Variants in CATSPERB observed in about 807,000 individuals in gnomAD.
The protein encoded by CATSPERB is cation channel sperm-associated auxiliary subunit beta.
A neutral mutation model predicts 128.3 loss-of-function variants in CATSPERB; 93 were observed. The ratio of observed to expected loss-of-function variants is 0.72; its 90% CI spans 0.61 to 0.86. The LOEUF (loss-of-function observed/expected upper bound fraction) is 0.86. Ranked by LOEUF, CATSPERB falls within the 40% of genes least tolerant of loss-of-function variation. The pLI is 0.00. For missense variants in CATSPERB, 1,153 were observed against 1,329.5 expected (o/e 0.87, Z 2.06); for synonymous variants, 381 against 448.8 (o/e 0.85, Z 1.91).
intron 10 of CATSPERB, among the ~76,000 whole-genome samples, chr14:91,688,143 G>A (rs11844262): frequency 0.03 from 4,628 of 152,006 alleles, 258 homozygotes; most frequent in African/African-American, 0.11. Context: ...GTTCTTTCTT[G>A]AGTATTTTCC....
At chr14:91,702,858 CT>C (rs1041407806) in intron 7 of CATSPERB, among the ~76,000 whole-genome samples, 1 of 151,836 alleles carries the variant, frequency 6.6e-6, no homozygotes, top group African/African-American at 2.4e-5. Flanking sequence ...TTATTTTGGT[CT>C]TTTTTTATGA....
At chr14:91,582,272 T>A (rs1893218624) in intron 26 of CATSPERB, among the ~76,000 whole-genome samples, 1 of 152,236 alleles carries the variant, frequency 6.6e-6, no homozygotes, top group Non-Finnish European at 1.5e-5. Context: ...TTGACAGGAA[T>A]GTTGACAGGA....
chr14:91,671,198 T>G (rs1013644142), intron 13 of CATSPERB, among the ~76,000 whole-genome samples: 1 of 152,158 alleles, frequency 6.6e-6, no homozygotes, highest in African/African-American at 2.4e-5. Flanking sequence ...CTGTCCCAAA[T>G]CCCTTCTCCA....
chr14:91,672,257 TTTTA>T (rs1895109651), intron 13 of CATSPERB, among the ~76,000 whole-genome samples: 1 of 152,038 alleles, frequency 6.6e-6, no homozygotes, highest in Non-Finnish European at 1.5e-5. Context: ...GAACTTATGG[TTTTA>T]TTTGTTTGTT....
intron 15 of CATSPERB, among the ~76,000 whole-genome samples, chr14:91,650,890 G>C (rs1595164629): frequency 6.6e-6 from 1 of 151,670 alleles, no homozygotes; most frequent in Admixed American, 6.6e-5. Context: ...TTACATCTGG[G>C]TATGTTTCTA....
intron 22 of CATSPERB, among the ~76,000 whole-genome samples, chr14:91,607,774 C>T (rs563441763): frequency 1.6e-3 from 239 of 152,222 alleles, no homozygotes; most frequent in African/African-American, 5.7e-3. Flanking sequence ...ATTCCACAGG[C>T]GTCCATGTGG....
At chr14:91,621,310 G>C (rs1469420781) in intron 19 of CATSPERB, among the ~76,000 whole-genome samples, 1 of 152,222 alleles carries the variant, frequency 6.6e-6, no homozygotes, top group Non-Finnish European at 1.5e-5. Flanking sequence ...TGAGGCAGGA[G>C]AATCGCTTGA....
chr14:91,613,943 C>G (rs777023113), intron 20 of CATSPERB, among the ~76,000 whole-genome samples: 2 of 152,228 alleles, frequency 1.3e-5, no homozygotes, highest in Non-Finnish European at 2.9e-5. Context: ...AACACCCCCT[C>G]ATGGTCCTTC....
At chr14:91,603,461 C>T (rs1389379285) in intron 22 of CATSPERB, 1 of 1,395,982 alleles carries the variant, frequency 7.2e-7, no homozygotes, top group Non-Finnish European at 1.0e-6. Flanking sequence ...GATGAGTGGG[C>T]AAATTCTGCT....
chr14:91,672,548 T>C (rs1895117288), intron 13 of CATSPERB, among the ~76,000 whole-genome samples: 1 of 152,140 alleles, frequency 6.6e-6, no homozygotes, highest in Admixed American at 6.5e-5. Flanking sequence ...TTACTTCCAT[T>C]TTTTTTTCTG....
chr14:91,692,175 C>CAA (rs748422210), intron 9 of CATSPERB, among the ~76,000 whole-genome samples: 791 of 55,320 alleles, frequency 0.014, 11 homozygotes, highest in African/African-American at 0.049. Flanking sequence ...GACTCAGTCT[C>CAA]AAAAAAAAAA....
rs780344302 is a variant in CATSPERB at position 91,674,231 on chromosome 14, T to TG, written c.932-10_932-9insC. ...AACTGTAACATAATCAACTGTGAAA[T>TG]AAATACAAGGGTACAGGAATTATGA... On this transcript the variant is annotated splice_polypyrimidine_tract_variant and intron_variant, in intron 11 of 26. Coordinates refer to ENST00000256343, the MANE Select transcript of CATSPERB (RefSeq NM_024764.4). 2 of 1,526,176 alleles carry TG rather than the reference T, an allele frequency of 1.3e-6. No homozygotes were observed. Among genetic ancestry groups the TG allele is most frequent in the South Asian group, 1.2e-5 (1 of 86,774 alleles). The allele number at this position is 1,526,176 out of a possible 1,614,324, so 94.5% of individuals were successfully genotyped here.
At chr14:91,663,012 A>C (rs1295410294) in intron 14 of CATSPERB, among the ~76,000 whole-genome samples, 1 of 152,068 alleles carries the variant, frequency 6.6e-6, no homozygotes, top group Non-Finnish European at 1.5e-5. Context: ...ACTTCTTAGT[A>C]TATCCTTCAT....
At chr14:91,634,236 T>C (rs1293610345) in intron 17 of CATSPERB, among the ~76,000 whole-genome samples, 2 of 152,060 alleles carry the variant, frequency 1.3e-5, no homozygotes, top group African/African-American at 4.8e-5. Context: ...AAAGGGAAAA[T>C]ATATTTATTA....
At chr14:91,604,897 C>T (rs1324505886) in intron 22 of CATSPERB, 24 of 1,270,286 alleles carry the variant, frequency 1.9e-5, no homozygotes, top group East Asian at 1.4e-4. Flanking sequence ...TCTGGAACCA[C>T]GTCTTAACCT....
intron 10 of CATSPERB, among the ~76,000 whole-genome samples, chr14:91,687,050 G>A (rs1895388721): frequency 6.6e-6 from 1 of 151,880 alleles, no homozygotes; most frequent in Non-Finnish European, 1.5e-5. Flanking sequence ...ATAATAAAAG[G>A]AAGAAAAGTA....
At chr14:91,614,142 C>G (rs1392591217) in intron 20 of CATSPERB, among the ~76,000 whole-genome samples, 1 of 152,202 alleles carries the variant, frequency 6.6e-6, no homozygotes, top group Non-Finnish European at 1.5e-5. Context: ...CCTGGTAACA[C>G]TATCACATTT....
At position 91,683,973 on chromosome 14, in the gene CATSPERB, C is replaced by A. The variant is rs1895330936; in HGVS notation, c.865-30G>T. On this transcript the variant is annotated intron_variant, in intron 10 of 26. Coordinates refer to ENST00000256343, the MANE Select transcript of CATSPERB (RefSeq NM_024764.4). ...ATAAATAAATAAAATATCACTTAGC[C>A]AATATGTAGACTTAAGATATCTTAA... 2.1e-6 allele frequency: 3 copies of A among 1,425,724 alleles called. No individual in the cohort carries two copies. The African/African-American group carries it at 4.3e-5, about 20-fold the overall frequency. The allele number at this position is 1,425,724 out of a possible 1,614,324, so 88.3% of individuals were successfully genotyped here. A position where few individuals can be genotyped will look rare whatever the true frequency, so the allele number is the denominator to read the frequency against.
At chr14:91,719,007 T>C (rs1357533952) in intron 5 of CATSPERB, among the ~76,000 whole-genome samples, 1 of 152,180 alleles carries the variant, frequency 6.6e-6, no homozygotes, top group Non-Finnish European at 1.5e-5. Flanking sequence ...TAGCATATGA[T>C]GCTACACTGC....
Sources: allele counts gnomAD v4.1 joint callset (sites outside exome capture counted in the v4.1 genomes callset), GRCh38; gene constraint gnomAD v4.1.1; transcripts MANE v1.5; gene names NCBI Gene and HGNC (gene_info 2026-07-23, HGNC 2026-07-21).